Variants in SLC16A6 observed in about 807,000 individuals in gnomAD.
SLC16A6 encodes the protein solute carrier family 16 member 6, also known as monocarboxylate transporter 7.
In SLC16A6, 15 loss-of-function variants were observed where a neutral mutation model predicts 33.8. The ratio of observed to expected loss-of-function variants is 0.44; its 90% CI spans 0.30 to 0.68. The LOEUF is 0.68. SLC16A6 is among the 30% of genes least tolerant of loss of function. The pLI is 0.10. For synonymous variants in SLC16A6, 219 were observed against 248.4 expected (o/e 0.88, Z 1.11); for missense variants, 451 against 661.5 (o/e 0.68, Z 3.49).
chr17:68,291,224 GGCTCGGGCTGGTGAGGCCCGAGC>G (rs1270607954), upstream of SLC16A6: 1 of 151,452 alleles, frequency 6.6e-6, no homozygotes, highest in Non-Finnish European at 1.5e-5. Context: ...AGCGCAAGTT[GGCTCGGGCTGGTGAGGCCCGAGC>G]GCCCGGGCCC....
rs782246397 is a variant in SLC16A6 at position 68,277,382 on chromosome 17, G to A, written c.232+707C>T. 9.9e-4 allele frequency among the ~76,000 whole-genome samples: 151 copies of A among 151,838 alleles called. 1 individual carries two copies. The highest frequency in any genetic ancestry group is 1.9e-3 in the Non-Finnish European group (128 of 67,960). On this transcript the variant is annotated intron_variant, in intron 2 of 5. Transcript: ENST00000580666. ...CCTGACCTCGTGATCCACCTGCCTC[G>A]GCTTTCCAAAGTGCTGGGATTACAG...
intron 1 of SLC16A6, among the ~76,000 whole-genome samples, chr17:68,279,836 A>G (rs2075636271): frequency 6.6e-6 from 1 of 152,220 alleles, no homozygotes; most frequent in African/African-American, 2.4e-5. Context: ...ATCTATAATA[A>G]TCAATGAGTC....
intron 1 of SLC16A6, among the ~76,000 whole-genome samples, 166 bp downstream of exon 1, chr17:68,290,916 CCTAA>C (rs5821650): frequency 0.56 from 84,923 of 151,628 alleles, 23,891 homozygotes; most frequent in Middle Eastern, 0.61. Flanking sequence ...CCTGGGCATT[CCTAA>C]CTGTCAGAGC....
intron 1 of SLC16A6, among the ~76,000 whole-genome samples, chr17:68,286,264 T>A (rs534144365): frequency 3.1e-4 from 47 of 152,202 alleles, no homozygotes; most frequent in Non-Finnish European, 6.2e-4. Flanking sequence ...TGTTTACACT[T>A]GCAAAAGGGA....
intron 1 of SLC16A6, among the ~76,000 whole-genome samples, chr17:68,290,531 T>G (rs1555755438): frequency 1.3e-5 from 2 of 152,130 alleles, no homozygotes; most frequent in African/African-American, 4.8e-5. Flanking sequence ...TGCCGGGAAA[T>G]CCCCGGCTTC....
At chr17:68,274,136 C>A in intron 2 of SLC16A6, 66 bp from the exon 3 acceptor site, 1 of 1,534,838 alleles carries the variant, frequency 6.5e-7, no homozygotes. Flanking sequence ...CCATAAGACT[C>A]CTTCCTCCAC....
rs1226967573 is a variant in SLC16A6, at chr17:68,283,133, AT to A, written c.-7-4807del. ...CAGAGCAAGACCCTGTCTAAAAAAA[AT>A]TTTTTTTTAAGTTGGCTGGCGTGGT... On this transcript the variant is annotated intron_variant, in intron 1 of 5. Coordinates refer to ENST00000580666, the MANE Select transcript of SLC16A6 (RefSeq NM_004694.5). The A allele has an allele frequency of 2.3e-4, 35 of 151,412 alleles. No individual in the cohort carries two copies. The Middle Eastern group carries it at 0.024, about 104-fold the overall frequency. The allele number at this position is 151,412 out of a possible 1,614,324, so 9.4% of individuals were successfully genotyped here. A position where few individuals can be genotyped will look rare whatever the true frequency, so the allele number is the denominator to read the frequency against.
Position 68,284,455 on chromosome 17 carries a change from G to A in SLC16A6, c.-7-6128C>T, listed in dbSNP as rs144300925. On this transcript the variant is annotated intron_variant, in intron 1 of 5. Coordinates refer to ENST00000580666, the MANE Select transcript of SLC16A6 (RefSeq NM_004694.5). Reference sequence around the variant, plus strand: ...GAAAATTCTTTACAATTATACAATTGTATACAGGTGAATTTTCAGGGTCAG... The same window carrying A: ...GAAAATTCTTTACAATTATACAATTATATACAGGTGAATTTTCAGGGTCAG... 6.2e-3 allele frequency among the ~76,000 whole-genome samples: 946 copies of A among 152,238 alleles called. 6 individuals carry two copies. Among genetic ancestry groups the A allele is most frequent in the Middle Eastern group, 0.02 (6 of 294 alleles).
chr17:68,290,835 C>T (rs1325554910), intron 1 of SLC16A6, among the ~76,000 whole-genome samples: 1 of 152,152 alleles, frequency 6.6e-6, no homozygotes, highest in Non-Finnish European at 1.5e-5. Flanking sequence ...TTCCGGGACC[C>T]AACTGTACCA....
chr17:68,291,360 G>A (rs2075981324), upstream of SLC16A6: 1 of 147,570 alleles, frequency 6.8e-6, no homozygotes, highest in Admixed American at 6.7e-5. Context: ...CCGCGCCCCG[G>A]CCCCGCGTCG....
intron 1 of SLC16A6, chr17:68,283,145 G>A (rs1316403172): frequency 6.6e-6 from 1 of 151,828 alleles, no homozygotes; most frequent in African/African-American, 2.4e-5. Context: ...TTTTTTTTAA[G>A]TTGGCTGGCG....
At chr17:68,290,041 T>C (rs766946331) in intron 1 of SLC16A6, among the ~76,000 whole-genome samples, 3 of 152,196 alleles carry the variant, frequency 2.0e-5, no homozygotes, top group Non-Finnish European at 2.9e-5. Flanking sequence ...GCATAAGCAC[T>C]TGGCATCTTT....
chr17:68,285,218 C>T (rs988739978), intron 1 of SLC16A6, among the ~76,000 whole-genome samples: 1 of 152,226 alleles, frequency 6.6e-6, no homozygotes, highest in African/African-American at 2.4e-5. Flanking sequence ...CAAATTGGCA[C>T]AGTTGTTCTA....
intron 1 of SLC16A6, among the ~76,000 whole-genome samples, chr17:68,290,382 A>C (rs1338757758): frequency 6.6e-6 from 1 of 152,236 alleles, no homozygotes; most frequent in Non-Finnish European, 1.5e-5. Context: ...TTCCTCTGCA[A>C]AACCATCTTC....
At position 68,271,229 on chromosome 17, in the gene SLC16A6, G is replaced by T. The variant is rs2075329771; in HGVS notation, c.931C>A (p.Pro311Thr). The T allele has an allele frequency of 1.1e-5, 17 of 1,614,100 alleles. No homozygotes were observed. Among genetic ancestry groups the T allele is most frequent in the Non-Finnish European group, 1.3e-5 (15 of 1,180,036 alleles). Residue 311 changes from proline (P) to threonine (T), a missense_variant, in exon 5 of 6, where the codon CCT becomes ACT. Physicochemically the swap from Pro to Thr is conservative, Grantham distance 38. Transcript: ENST00000580666. The surrounding 1 kb of genome is among the most constrained non-coding windows in gnomAD (Gnocchi z 5.3). ...GLFATLGFFA[P>T]SLYIIPLGIS... ...CCCAGAGGAATGATGTACAAGGAAG[G>T]TGCAAAGAATCCCAGTGTTGCAAAG...
At chr17:68,270,629 C>T (rs182937171) in intron 5 of SLC16A6, among the ~76,000 whole-genome samples, 7 of 151,920 alleles carry the variant, frequency 4.6e-5, no homozygotes, top group Admixed American at 2.0e-4. Flanking sequence ...CACTAATTTA[C>T]CATCTGACCT....
At chr17:68,274,702 C>T (rs1390358819) in intron 2 of SLC16A6, 1 of 151,476 alleles carries the variant, frequency 6.6e-6, no homozygotes, top group African/African-American at 2.4e-5. Context: ...CCTATGATTG[C>T]TTGAATTATT....
chr17:68,281,637 C>G (rs1346266529), intron 1 of SLC16A6, among the ~76,000 whole-genome samples: 7 of 152,140 alleles, frequency 4.6e-5, no homozygotes, highest in African/African-American at 1.7e-4. Flanking sequence ...AAAAGACATA[C>G]ATATGGCCAA....
rs782457967 is a variant in SLC16A6 at position 68,278,312 on chromosome 17, T to C, written c.9A>G (p.Gln3=). The C allele has an allele frequency of 6.2e-7, 1 of 1,612,844 alleles. No homozygotes were observed. The highest frequency in any genetic ancestry group is 1.3e-5 in the African/African-American group (1 of 74,920). The change falls in exon 2 of 6, where the codon CAA becomes CAG. Residue 3 remains glutamine (Q), a synonymous_variant. Transcript: ENST00000580666. ...CTTTGGAACAAAGCTTTAATTTATT[T>C]TGGGTCATTCTTAATCTGAAAGAAA... The part of the protein sequence containing the change: MT[Q]NKLKLCSKAN...
Sources: gnomAD v4.1 joint callset for allele counts (sites outside exome capture counted in the v4.1 genomes callset) on GRCh38, gnomAD v4.1.1 for gene constraint, Gnocchi (gnomAD v3.1) non-coding constraint, MANE v1.5 for transcripts, NCBI Gene and HGNC (gene_info 2026-07-23, HGNC 2026-07-21) for gene names.